The following ZKSCAN3 variants were observed in gnomAD, a reference collection of about 807,000 sequenced individuals.
ZKSCAN3 encodes the protein zinc finger with KRAB and SCAN domains 3.
In ZKSCAN3, 21 loss-of-function variants were observed where a neutral mutation model predicts 30.7. The observed-to-expected ratio is 0.68, with a 90% CI of 0.49 to 0.99. The LOEUF (loss-of-function observed/expected upper bound fraction) is 0.99, where lower values mean the gene tolerates loss of function less well. ZKSCAN3 is among the 50% of genes least tolerant of loss of function. The pLI is 0.00. For missense variants in ZKSCAN3, 507 were observed against 647.1 expected, an observed-to-expected ratio of 0.78 and a Z score of 2.35; for synonymous variants, 201 against 246.7, an observed-to-expected ratio of 0.81 and a Z score of 1.73.
At position 28,363,317 on chromosome 6, in the gene ZKSCAN3, G is replaced by A. The variant is rs17856167; in HGVS notation, c.565G>A (p.Val189Met). 0.053 allele frequency: 84,957 copies of A among 1,611,644 alleles called. 3,145 individuals are homozygous for A. Among genetic ancestry groups the A allele is most frequent in the East Asian group, 0.16 (7,308 of 44,820 alleles). Residue 189 changes from valine (V) to methionine (M), a missense_variant, in exon 4 of 6, where the codon GTG (valine) becomes ATG (methionine). Coordinates refer to ENST00000252211, the MANE Select transcript of ZKSCAN3 (RefSeq NM_024493.4). The part of the protein sequence containing the change: ...PLQDRVLQVP[V>M]LAHGGCCRED... ...TTCCTTCTTAGTTCTCCAGGTCCCC[G>A]TGCTTGCCCATGGAGGATGCTGCAG...
At position 28,355,462 on chromosome 6, in the gene ZKSCAN3, A is replaced by G. The variant is rs533418123; in HGVS notation, c.-62-4063A>G. ...AGCTCAGCTCCCTTCCAAAGTTGGGACCAAAAGTCTACTGGCATTCTAAAG... is the reference window on the plus strand; with the variant it reads ...AGCTCAGCTCCCTTCCAAAGTTGGGGCCAAAAGTCTACTGGCATTCTAAAG... On this transcript the variant is annotated intron_variant, in intron 1 of 5. Coordinates refer to ENST00000252211, the MANE Select transcript of ZKSCAN3 (RefSeq NM_024493.4). 15 of 152,308 alleles carry G rather than the reference A, an allele frequency of 9.8e-5. No homozygotes were observed. In the East Asian group the frequency reaches 2.9e-3, roughly 29 times the overall value. The allele number at this position is 152,308 out of a possible 1,614,324, so 9.4% of individuals were successfully genotyped here. A position where few individuals can be genotyped will look rare whatever the true frequency, so the allele number is the denominator to read the frequency against.
chr6:28,361,526 T>G lies in ZKSCAN3; in HGVS notation c.550+55T>G, dbSNP rs902024757. 7.7e-6 allele frequency: 12 copies of G among 1,555,654 alleles called. No individual in the cohort carries two copies. In the Admixed American group the frequency reaches 1.9e-4, roughly 24 times the overall value. On this transcript the variant is annotated intron_variant, in intron 3 of 5. Transcript: ENST00000252211. ...TCTGCAGACTTCATCCAATTTCATT[T>G]AAGGATAGCCAACAAAATTCATTGA...
At chr6:28,359,441 C>T in intron 1 of ZKSCAN3, 84 bp from the exon 2 acceptor site, 4 of 1,027,818 alleles carry the variant, frequency 3.9e-6, no homozygotes, top group South Asian at 1.7e-5. Flanking sequence ...GCAGCAGTTC[C>T]CCAGAGATGT....
chr6:28,350,805 C>T (rs376589136), intron 1 of ZKSCAN3, among the ~76,000 whole-genome samples: 23 of 152,228 alleles, frequency 1.5e-4, no homozygotes, highest in South Asian at 1.5e-3. Flanking sequence ...AAGAGCCTAT[C>T]CCAAAGCAAA....
chr6:28,363,795 A>T lies in ZKSCAN3; in HGVS notation c.737A>T (p.His246Leu). 4 of 1,613,920 alleles carry T rather than the reference A, an allele frequency of 2.5e-6. No individual in the cohort carries two copies. The highest frequency in any genetic ancestry group is 2.2e-5 in the South Asian group (2 of 91,088). Reference sequence around the variant, plus strand: ...TGTAGAGATGAAAAGCAGGAGAACCATGGCAGCCTGGTCTCCCTGGGTAAG... The same window carrying T: ...TGTAGAGATGAAAAGCAGGAGAACCTTGGCAGCCTGGTCTCCCTGGGTAAG... ...NLCRDEKQENHGSLVSLGDEK... is the reference protein window; with the variant it reads ...NLCRDEKQENLGSLVSLGDEK... The change falls in exon 5 of 6, where the codon CAT becomes CTT. Residue 246 changes from histidine to leucine, a missense_variant. Coordinates refer to ENST00000252211, the MANE Select transcript of ZKSCAN3 (RefSeq NM_024493.4).
At chr6:28,363,512 G>T in intron 4 of ZKSCAN3, 127 bp downstream of exon 4, 1 of 1,275,942 alleles carries the variant, frequency 7.8e-7, no homozygotes, top group Non-Finnish European at 1.1e-6. Context: ...AATGGGATCT[G>T]CATTTTCTCA....
At chr6:28,355,851 A>G (rs1765386678) in intron 1 of ZKSCAN3, among the ~76,000 whole-genome samples, 1 of 152,182 alleles carries the variant, frequency 6.6e-6, no homozygotes, top group Non-Finnish European at 1.5e-5. Context: ...GGCCAAGTCC[A>G]CCACACAGTG....
intron 1 of ZKSCAN3, among the ~76,000 whole-genome samples, chr6:28,358,399 A>G (rs1765563450): frequency 6.6e-6 from 1 of 152,144 alleles, no homozygotes; most frequent in South Asian, 2.1e-4. Context: ...ACCAAATACA[A>G]TGTAAATGTT....
chr6:28,359,038 T>C (rs1765615375), intron 1 of ZKSCAN3, among the ~76,000 whole-genome samples: 1 of 152,104 alleles, frequency 6.6e-6, no homozygotes. Flanking sequence ...GGCTATTATC[T>C]GGAGGCTCTG....
intron 3 of ZKSCAN3, among the ~76,000 whole-genome samples, chr6:28,362,726 T>C (rs1210334353): frequency 6.6e-6 from 1 of 152,190 alleles, no homozygotes; most frequent in Non-Finnish European, 1.5e-5. Context: ...GCTCTTTACT[T>C]TTCTCTCTCT....
Position 28,365,739 on chromosome 6 carries a change from T to C in ZKSCAN3, c.1071T>C (p.Leu357=). 6.2e-7 allele frequency: 1 copy of C among 1,613,894 alleles called. No homozygotes were observed. The highest frequency in any genetic ancestry group is 1.7e-4 in the Middle Eastern group (1 of 6,056). The change falls in exon 6 of 6, where the codon CTT becomes CTC. Residue 357 remains leucine, a synonymous_variant. Coordinates refer to ENST00000252211, the MANE Select transcript of ZKSCAN3 (RefSeq NM_024493.4). The stretch of plus-strand genomic sequence containing the variant: ...AAGCCTTCATTGGGAGCTCTGCCCT[T>C]GTCATTCATCAGAGAGTCCACACTG... ...CGKAFIGSSA[L]VIHQRVHTGE... is the part of the protein sequence containing the mutation.
chr6:28,351,638 TC>T lies in ZKSCAN3; in HGVS notation c.-63+1574del, dbSNP rs1765023630. Among the ~76,000 whole-genome samples the T allele has an allele frequency of 6.6e-6, 1 of 151,570 alleles. No homozygotes were observed. Among genetic ancestry groups the T allele is most frequent in the Non-Finnish European group, 1.5e-5 (1 of 67,896 alleles). On this transcript the variant is annotated intron_variant, in intron 1 of 5. Transcript: ENST00000252211. This position sits in a 1 kb window ranked among gnomAD's most constrained non-coding sequence, Gnocchi z 4.6. ...TCTTTCCTTCCCTTCTCCTCCTCCT[TC>T]CCTTTTGTCTCCCTCCTTCCCTTTT...
chr6:28,363,916 G>A, intron 5 of ZKSCAN3, 101 bp downstream of exon 5: 1 of 1,455,422 alleles, frequency 6.9e-7, no homozygotes, highest in Non-Finnish European at 9.3e-7. Context: ...GTTATGTTTG[G>A]ATTCACAATC....
rs1765969176 is a variant in ZKSCAN3, at chr6:28,366,300, G to A, written c.*15G>A. ...TATCACAGTGACCCATGCCATACAT[G>A]CCAGAGTTGGTGCTCATTTGTCACT... On this transcript the variant is annotated 3_prime_UTR_variant, in exon 6 of 6. Coordinates refer to ENST00000252211, the MANE Select transcript of ZKSCAN3 (RefSeq NM_024493.4). 6.7e-7 allele frequency: 1 copy of A among 1,490,584 alleles called. No individual in the cohort carries two copies. Among genetic ancestry groups the A allele is most frequent in the Non-Finnish European group, 8.9e-7 (1 of 1,128,496 alleles). 92.3% of individuals were successfully genotyped at this position (1,490,584 alleles called of 1,614,324 possible). A position where few individuals can be genotyped will look rare whatever the true frequency, so the allele number is the denominator to read the frequency against.
At chr6:28,353,910 G>C (rs769585778) in intron 1 of ZKSCAN3, 156 of 455,710 alleles carry the variant, frequency 3.4e-4, no homozygotes, top group African/African-American at 2.7e-3. Context: ...GGTCCGAGGG[G>C]AGTTGTTGGA....
At position 28,366,395 on chromosome 6, in the gene ZKSCAN3, A is replaced by T. The variant is rs1309834429; in HGVS notation, c.*110A>T. 7.5e-6 allele frequency: 9 copies of T among 1,201,220 alleles called. No individual in the cohort carries two copies. The highest frequency in any genetic ancestry group is 9.0e-6 in the Non-Finnish European group (8 of 892,608). The allele number at this position is 1,201,220 out of a possible 1,614,324, so 74.4% of individuals were successfully genotyped here. A position where few individuals can be genotyped will look rare whatever the true frequency, so the allele number is the denominator to read the frequency against. On this transcript the variant is annotated 3_prime_UTR_variant, in exon 6 of 6. Transcript: ENST00000252211. ...GGCTGGGCTTTATTTACCACTACACATTATCAGGTGTTAGAAAATGTAGAC... is the reference window on the plus strand; with the variant it reads ...GGCTGGGCTTTATTTACCACTACACTTTATCAGGTGTTAGAAAATGTAGAC...
At position 28,359,906 on chromosome 6, in the gene ZKSCAN3, G is replaced by A. The variant is rs777323142; in HGVS notation, c.320G>A (p.Arg107Gln). 3.1e-6 allele frequency: 5 copies of A among 1,614,088 alleles called. No individual in the cohort carries two copies. Among genetic ancestry groups the A allele is most frequent in the South Asian group, 2.2e-5 (2 of 91,084 alleles). Residue 107 changes from arginine (R) to glutamine (Q), a missense_variant, in exon 2 of 6, where the codon CGG becomes CAG. Coordinates refer to ENST00000252211, the MANE Select transcript of ZKSCAN3 (RefSeq NM_024493.4). The part of the protein sequence containing the change: ...ILPGNLQSWV[R>Q]EQHPESGEEV... ...CCGGGGAATCTGCAGAGCTGGGTGC[G>A]GGAGCAGCATCCAGAGAGCGGGGAG... is the stretch of plus-strand genomic sequence containing the variant.
In ZKSCAN3 at chr6:28,351,153, T is replaced by C. The variant is rs908532234; in HGVS notation, c.-63+1086T>C. Among the ~76,000 whole-genome samples the C allele has an allele frequency of 2.6e-5, 4 of 152,266 alleles. No individual in the cohort carries two copies. Among genetic ancestry groups the C allele is most frequent in the African/African-American group, 7.2e-5 (3 of 41,476 alleles). On this transcript the variant is annotated intron_variant, in intron 1 of 5. Transcript: ENST00000252211. The surrounding 1 kb of genome is among the most constrained non-coding windows in gnomAD (Gnocchi z 4.6). ...CTTTCCTTATCTTCAGTATATTTACTGATTTGATAAATACTTTGTGTTGGC... is the reference window on the plus strand; with the variant it reads ...CTTTCCTTATCTTCAGTATATTTACCGATTTGATAAATACTTTGTGTTGGC...
At chr6:28,358,899 G>GAAAAAAAACAAAAAA (rs1765600976) in intron 1 of ZKSCAN3, among the ~76,000 whole-genome samples, 2 of 106,076 alleles carry the variant, frequency 1.9e-5, no homozygotes, top group African/African-American at 3.3e-5. Context: ...AAACAAATAA[G>GAAAAAAAACAAAAAA]AAAAAAAAAA....
Sources: gnomAD v4.1 joint callset for allele counts (sites outside exome capture counted in the v4.1 genomes callset) on GRCh38, gnomAD v4.1.1 for gene constraint, Gnocchi (gnomAD v3.1) non-coding constraint, MANE v1.5 for transcripts, NCBI Gene and HGNC (gene_info 2026-07-23, HGNC 2026-07-21) for gene names.